The following FTO variants were observed in gnomAD, a reference collection of about 807,000 sequenced individuals.
The protein encoded by FTO is alpha-ketoglutarate-dependent dioxygenase FTO.
A neutral mutation model predicts 63.9 loss-of-function variants in FTO; 47 were observed. That is an observed-to-expected ratio of 0.74 (90% CI 0.58 to 0.94). The LOEUF (loss-of-function observed/expected upper bound fraction) is 0.94, where lower values mean the gene tolerates loss of function less well. Among genes scored for constraint, FTO ranks in the 40% least tolerant of loss-of-function variants. The probability of loss-of-function intolerance (pLI) is 0.00; values close to 1 mark genes in which losing one functional copy is unlikely to be tolerated. For missense variants in FTO, 562 were observed against 618.1 expected (o/e 0.91, Z 0.96); for synonymous variants, 207 against 224.4 (o/e 0.92, Z 0.69).
At chr16:54,074,299 G>A (rs1427840458) in intron 8 of FTO, among the ~76,000 whole-genome samples, 1 of 152,196 alleles carries the variant, frequency 6.6e-6, no homozygotes, top group Non-Finnish European at 1.5e-5. Context: ...AAATTAGCAT[G>A]TAATCTGTCT....
chr16:53,719,350 GC>G (rs1462959636), intron 1 of FTO, among the ~76,000 whole-genome samples: 1 of 148,158 alleles, frequency 6.7e-6, no homozygotes, highest in African/African-American at 2.5e-5. Context: ...TCCTGCTTCA[GC>G]CCCCCGAGTA....
chr16:54,014,106 T>C (rs1341845201), intron 8 of FTO, among the ~76,000 whole-genome samples: 1 of 152,194 alleles, frequency 6.6e-6, no homozygotes, highest in African/African-American at 2.4e-5. Context: ...GCTAGTGATA[T>C]ATGCACTTTG....
At chr16:53,857,546 G>A (rs2080042781) in intron 4 of FTO, among the ~76,000 whole-genome samples, 1 of 151,944 alleles carries the variant, frequency 6.6e-6, no homozygotes, top group South Asian at 2.1e-4. Context: ...GGGCATACCT[G>A]GTGCTAGAGT....
At chr16:54,069,145 A>T (rs1426568144) in intron 8 of FTO, among the ~76,000 whole-genome samples, 1 of 152,164 alleles carries the variant, frequency 6.6e-6, no homozygotes. Flanking sequence ...TAGAAGATCC[A>T]TGGGTCCCTG....
chr16:53,938,413 C>T (rs1035136180), intron 8 of FTO, among the ~76,000 whole-genome samples: 2 of 152,150 alleles, frequency 1.3e-5, no homozygotes, highest in African/African-American at 4.8e-5. Context: ...AAAGCTCTCC[C>T]CCAGTTTCTC....
chr16:53,722,265 A>G (rs2076058734), intron 1 of FTO, among the ~76,000 whole-genome samples: 1 of 152,196 alleles, frequency 6.6e-6, no homozygotes, highest in Non-Finnish European at 1.5e-5. Flanking sequence ...GATTGCTTAT[A>G]CATAGTAGTG....
intron 1 of FTO, among the ~76,000 whole-genome samples, chr16:53,719,253 C>CTTTTTTTTTTTTTTTTT (rs10527186): frequency 3.7e-5 from 5 of 135,652 alleles, no homozygotes; most frequent in South Asian, 5.2e-4. Flanking sequence ...TCTTCTTCTT[C>CTTTTTTTTTTTTTTTTT]TTTTTTTTTT....
intron 8 of FTO, chr16:53,998,238 T>G (rs1359811777): frequency 6.6e-6 from 1 of 152,164 alleles, no homozygotes; most frequent in Non-Finnish European, 1.5e-5. Flanking sequence ...AAAGCAGTAG[T>G]GAGGAAAAGC....
chr16:53,807,396 G>C (rs2078400595), intron 1 of FTO, among the ~76,000 whole-genome samples: 1 of 152,206 alleles, frequency 6.6e-6, no homozygotes, highest in African/African-American at 2.4e-5. Flanking sequence ...ATACCTGTCT[G>C]ATGCTCAGTT....
chr16:53,781,299 A>G (rs767134222), intron 1 of FTO, among the ~76,000 whole-genome samples: 3 of 152,238 alleles, frequency 2.0e-5, no homozygotes, highest in South Asian at 2.1e-4. Flanking sequence ...GCCACAATAC[A>G]TAAGTGGATC....
chr16:53,994,888 C>A (rs1360090436), intron 8 of FTO, among the ~76,000 whole-genome samples: 1 of 152,038 alleles, frequency 6.6e-6, no homozygotes, highest in Non-Finnish European at 1.5e-5. Flanking sequence ...TGGACACTAC[C>A]ACTCCCAGCT....
At chr16:53,765,511 C>G (rs2077178800) in intron 1 of FTO, among the ~76,000 whole-genome samples, 1 of 148,348 alleles carries the variant, frequency 6.7e-6, no homozygotes, top group Admixed American at 6.7e-5. Flanking sequence ...GCCGAGAGAT[C>G]ACGCCATTGC....
At chr16:53,875,773 G>T (rs1171186520) in intron 5 of FTO, among the ~76,000 whole-genome samples, 1 of 152,210 alleles carries the variant, frequency 6.6e-6, no homozygotes, top group Non-Finnish European at 1.5e-5. Flanking sequence ...GAACAGGAAT[G>T]GTTATATTCA....
intron 1 of FTO, among the ~76,000 whole-genome samples, chr16:53,752,264 G>A (rs567074079): frequency 6.6e-6 from 1 of 152,312 alleles, no homozygotes; most frequent in Non-Finnish European, 1.5e-5. Context: ...AGATTCAACA[G>A]TGGCTACCTC....
intron 7 of FTO, chr16:53,911,455 A>C (rs761594967): frequency 1.4e-6 from 1 of 703,148 alleles, no homozygotes; most frequent in Admixed American, 2.0e-5. Context: ...ATACCGTTGC[A>C]TTCATCATGG....
chr16:53,713,614 G>T (rs1035914321), intron 1 of FTO, among the ~76,000 whole-genome samples: 2 of 152,194 alleles, frequency 1.3e-5, no homozygotes, highest in African/African-American at 2.4e-5. Context: ...TGTGTTGGTA[G>T]GGGCTTGTTT....
chr16:53,915,104 A>G (rs572548096), intron 7 of FTO, among the ~76,000 whole-genome samples: 2 of 152,216 alleles, frequency 1.3e-5, no homozygotes, highest in Non-Finnish European at 1.5e-5. Flanking sequence ...CAACCATAAG[A>G]CGGTATGCTT....
chr16:53,728,764 CTTTT>C (rs368270837), intron 1 of FTO, among the ~76,000 whole-genome samples: 2 of 133,906 alleles, frequency 1.5e-5, no homozygotes, highest in Admixed American at 7.6e-5. Context: ...GACCATACTT[CTTTT>C]TTTTTTTTTT....
chr16:53,873,729 A>G (rs1356123509), intron 4 of FTO, 57 bp from the exon 5 acceptor site: 2 of 1,278,310 alleles, frequency 1.6e-6, no homozygotes. Context: ...TAAATAATAT[A>G]TAGTATATAC....
Sources: allele counts gnomAD v4.1 joint callset (sites outside exome capture counted in the v4.1 genomes callset), GRCh38; gene constraint gnomAD v4.1.1; transcripts MANE v1.5; gene names NCBI Gene and HGNC (gene_info 2026-07-23, HGNC 2026-07-21).